ESYT2: variants seen among roughly 807,000 people sequenced by gnomAD.
ESYT2 encodes the protein extended synaptotagmin 2, also known as extended synaptotagmin-2.
In ESYT2, 54 loss-of-function variants were observed where a neutral mutation model predicts 107.2. The ratio of observed to expected loss-of-function variants is 0.50; its 90% CI spans 0.40 to 0.63. The LOEUF (loss-of-function observed/expected upper bound fraction) is 0.63, where lower values mean the gene tolerates loss of function less well. ESYT2 is among the 30% of genes least tolerant of loss of function. The pLI is 0.00. For synonymous variants in ESYT2, 491 were observed against 434.1 expected, an observed-to-expected ratio of 1.13 and a Z score of -1.63; for missense variants, 1,020 against 1,094.5, an observed-to-expected ratio of 0.93 and a Z score of 0.96.
chr7:158,753,776 TC>T (rs1209037244), intron 13 of ESYT2, among the ~76,000 whole-genome samples: 1 of 151,622 alleles, frequency 6.6e-6, no homozygotes, highest in African/African-American at 2.4e-5. Flanking sequence ...AGTCCCTAGA[TC>T]CACTGCGTCC....
In ESYT2 at chr7:158,758,628, G is replaced by A. The variant is rs150926056; in HGVS notation, c.1419+858C>T. Among the ~76,000 whole-genome samples the A allele has an allele frequency of 5.1e-3, 775 of 152,262 alleles. 3 individuals are homozygous for A. The highest frequency in any genetic ancestry group is 7.7e-3 in the Non-Finnish European group (527 of 68,026). On this transcript the variant is annotated intron_variant, in intron 13 of 22. Transcript: ENST00000275418. Reference sequence around the variant, plus strand: ...TGGGGAGGAAAGAAACTTCTGCACCGCGTGGCAGCAGTCTTTCTTCCAACA... The same window carrying A: ...TGGGGAGGAAAGAAACTTCTGCACCACGTGGCAGCAGTCTTTCTTCCAACA...
intron 8 of ESYT2, 84 bp from the exon 9 acceptor site, chr7:158,764,937 C>A (rs1838098715): frequency 3.6e-6 from 5 of 1,378,414 alleles, no homozygotes; most frequent in Non-Finnish European, 4.0e-6. Context: ...CTAACCCCGT[C>A]TCGAGAATTG....
At chr7:158,764,887 T>C in intron 8 of ESYT2, 34 bp from the exon 9 acceptor site, 1 of 1,601,680 alleles carries the variant, frequency 6.2e-7, no homozygotes, top group Non-Finnish European at 8.5e-7. Flanking sequence ...TTTAGACCCT[T>C]GGCTGGCTTG....
chr7:158,758,984 T>C (rs1024435161), intron 13 of ESYT2, among the ~76,000 whole-genome samples: 10 of 152,222 alleles, frequency 6.6e-5, no homozygotes, highest in Non-Finnish European at 1.2e-4. Context: ...CATGGCTTCC[T>C]TTTGTTCTGC....
rs758592482 is a variant in ESYT2 at position 158,734,219 on chromosome 7, C to T, written c.2589G>A (p.Gln863=). 6.2e-7 allele frequency: 1 copy of T among 1,614,144 alleles called. No individual in the cohort carries two copies. The highest frequency in any genetic ancestry group is 1.1e-5 in the South Asian group (1 of 91,064). ...YDLTEDGTRP[Q]AMT is the part of the protein sequence containing the mutation. ...CTGCCTGCTGCGGCTATGTCATCGC[C>T]TGAGGCCTCGTCCCATCTTCCGTGA... The change falls in exon 23 of 23, where the codon CAG becomes CAA. Residue 863 remains glutamine (Q), a synonymous_variant. Coordinates refer to ENST00000275418, the MANE Select transcript of ESYT2 (RefSeq NM_001367773.1).
chr7:158,781,288 CAG>C (rs1297460922), intron 6 of ESYT2, among the ~76,000 whole-genome samples: 2 of 51,748 alleles, frequency 3.9e-5, no homozygotes, highest in African/African-American at 1.2e-4. Context: ...AGTGTGAGAA[CAG>C]TGTGCGGTGT....
chr7:158,791,072 G>A lies in ESYT2; in HGVS notation c.584+2578C>T, dbSNP rs1170944943. Reference sequence around the variant, plus strand: ...CGGACCATTTTTCAACTTGCAAAACGAACACTCTCCCCCCATTAAACACTA... The same window carrying A: ...CGGACCATTTTTCAACTTGCAAAACAAACACTCTCCCCCCATTAAACACTA... On this transcript the variant is annotated intron_variant, in intron 4 of 22. Transcript: ENST00000275418. Among the ~76,000 whole-genome samples, 5 of 151,980 alleles carry A rather than the reference G, an allele frequency of 3.3e-5. No individual in the cohort carries two copies. In the South Asian group the frequency reaches 8.3e-4, roughly 25 times the overall value.
intron 13 of ESYT2, among the ~76,000 whole-genome samples, chr7:158,754,357 C>T (rs1837682668): frequency 1.3e-5 from 2 of 152,144 alleles, no homozygotes; most frequent in African/African-American, 4.8e-5. Flanking sequence ...CAGGCATGCA[C>T]CACCACACCC....
At chr7:158,797,805 G>A in intron 3 of ESYT2, 137 bp downstream of exon 3, 2 of 1,165,164 alleles carry the variant, frequency 1.7e-6, no homozygotes, top group Non-Finnish European at 2.4e-6. Context: ...AGTGAGCCAA[G>A]ATAGTGCCAC....
chr7:158,762,416 A>G (rs776182555), intron 10 of ESYT2, among the ~76,000 whole-genome samples: 11 of 152,158 alleles, frequency 7.2e-5, no homozygotes, highest in Non-Finnish European at 1.2e-4. Flanking sequence ...TGAACTCTCA[A>G]GTCAGGCCAC....
chr7:158,758,381 G>A (rs147513099), intron 13 of ESYT2, among the ~76,000 whole-genome samples: 178 of 152,310 alleles, frequency 1.2e-3, no homozygotes, highest in Non-Finnish European at 2.1e-3. Context: ...ACTATGAAGC[G>A]TAGTCTGACC....
rs201820773 is a variant in ESYT2 at position 158,764,883 on chromosome 7, C to G, written c.925-30G>C. ...AAAGAAGAACAAACTGAAGTTTAGACCCTTGGCTGGCTTGTTTAACTGGCA... is the reference window on the plus strand; with the variant it reads ...AAAGAAGAACAAACTGAAGTTTAGAGCCTTGGCTGGCTTGTTTAACTGGCA... On this transcript the variant is annotated intron_variant, in intron 8 of 22. Coordinates refer to ENST00000275418, the MANE Select transcript of ESYT2 (RefSeq NM_001367773.1). 8 of 1,604,598 alleles carry G rather than the reference C, an allele frequency of 5.0e-6. No homozygotes were observed. The Middle Eastern group carries it at 5.0e-4, about 100-fold the overall frequency.
intron 1 of ESYT2, among the ~76,000 whole-genome samples, chr7:158,820,628 T>A (rs1346717955): frequency 6.6e-6 from 1 of 152,022 alleles, no homozygotes; most frequent in Non-Finnish European, 1.5e-5. Context: ...CTACAAAAAA[T>A]TTTAAAAATT....
chr7:158,793,099 T>C (rs768046463), intron 4 of ESYT2, among the ~76,000 whole-genome samples: 2 of 152,150 alleles, frequency 1.3e-5, no homozygotes, highest in African/African-American at 2.4e-5. Context: ...GGTTTTCTTA[T>C]ATGGTTTTTA....
intron 1 of ESYT2, among the ~76,000 whole-genome samples, chr7:158,824,371 A>G (rs1043412388): frequency 2.0e-5 from 3 of 152,238 alleles, no homozygotes; most frequent in Non-Finnish European, 4.4e-5. Flanking sequence ...TTTCAGTTAC[A>G]AGTCTTCACA....
intron 6 of ESYT2, among the ~76,000 whole-genome samples, chr7:158,785,870 G>A (rs1393773031): frequency 6.6e-6 from 1 of 152,200 alleles, no homozygotes; most frequent in Non-Finnish European, 1.5e-5. Context: ...GTAGAAAAAT[G>A]TATAAAGGTT....
In ESYT2 at chr7:158,734,176, C is replaced by A. The variant is rs374799778; in HGVS notation, c.*31G>T. On this transcript the variant is annotated 3_prime_UTR_variant, in exon 23 of 23. Coordinates refer to ENST00000275418, the MANE Select transcript of ESYT2 (RefSeq NM_001367773.1). ...TGTTCCGGGTAGAGGTGGAGAGCTA[C>A]GCTGAAGAGGACGCCTCCTGCCTGC... 1 of 1,613,736 alleles carries A rather than the reference C, an allele frequency of 6.2e-7. No homozygotes were observed. The highest frequency in any genetic ancestry group is 8.5e-7 in the Non-Finnish European group (1 of 1,179,750).
rs566054362 is a variant in ESYT2 at position 158,740,893 on chromosome 7, A to G, written c.2168+630T>C. On this transcript the variant is annotated intron_variant, in intron 18 of 22. Transcript: ENST00000275418. ...TTTCTTATTATTCAACACACCTCTT[A>G]TAACACCACACAGGGAGAACTATTT... is the stretch of plus-strand genomic sequence containing the variant. 5.8e-4 allele frequency among the ~76,000 whole-genome samples: 89 copies of G among 152,288 alleles called. 1 individual carries two copies. The highest frequency in any genetic ancestry group is 2.0e-3 in the African/African-American group (84 of 41,542).
rs118189423 is a variant in ESYT2, at chr7:158,807,590, T to C, written c.331-8518A>G. 6.5e-3 allele frequency among the ~76,000 whole-genome samples: 985 copies of C among 152,288 alleles called. 7 individuals carry two copies. Among genetic ancestry groups the C allele is most frequent in the Middle Eastern group, 0.065 (19 of 294 alleles). On this transcript the variant is annotated intron_variant, in intron 1 of 22. Transcript: ENST00000275418. ...TTCATTACCTTCACTGGATGTTCGA[T>C]ACCAAGGTTCCAGAACATCTTTCCC...
Sources: allele counts gnomAD v4.1 joint callset (sites outside exome capture counted in the v4.1 genomes callset), GRCh38; gene constraint gnomAD v4.1.1; transcripts MANE v1.5; gene names NCBI Gene and HGNC (gene_info 2026-07-23, HGNC 2026-07-21).